TENM2: variants seen among roughly 807,000 people sequenced by gnomAD.
The protein encoded by TENM2 is teneurin transmembrane protein 2.
A neutral mutation model predicts 245.2 loss-of-function variants in TENM2; 52 were observed. The observed-to-expected ratio is 0.21, with a 90% CI of 0.17 to 0.27. TENM2 has a LOEUF of 0.27. TENM2 is among the 10% of genes least tolerant of loss of function. TENM2 has a pLI of 1.00. For missense variants in TENM2, 3,046 were observed against 3,666.8 expected (o/e 0.83, Z 4.37); for synonymous variants, 1,363 against 1,438.9 (o/e 0.95, Z 1.19).
At chr5:167,047,907 T>C in the TENM2 span, among the ~76,000 whole-genome samples, 1 of 152,108 alleles carries the variant, frequency 6.6e-6, no homozygotes, top group Non-Finnish European at 1.5e-5. Flanking sequence ...TTGGGTAACT[T>C]ATCTGTGCTT....
At chr5:167,610,332 G>A (rs998227493) in intron 2 of TENM2, among the ~76,000 whole-genome samples, 9 of 152,056 alleles carry the variant, frequency 5.9e-5, no homozygotes, top group African/African-American at 9.7e-5. Flanking sequence ...TTATGTAGGC[G>A]TGATTGATTA....
At chr5:167,343,738 A>C (rs1171466414) in intron 1 of TENM2, among the ~76,000 whole-genome samples, 1 of 152,180 alleles carries the variant, frequency 6.6e-6, no homozygotes, top group Non-Finnish European at 1.5e-5. Flanking sequence ...ATTTAAGATC[A>C]TTATACATTA....
chr5:167,336,277 A>G (rs1410295376), intron 1 of TENM2, among the ~76,000 whole-genome samples: 1 of 144,490 alleles, frequency 6.9e-6, no homozygotes. Flanking sequence ...GGCTGGCCAC[A>G]TTCTATAGCA....
At chr5:167,754,287 A>G (rs1762145620) in intron 2 of TENM2, among the ~76,000 whole-genome samples, 2 of 152,184 alleles carry the variant, frequency 1.3e-5, no homozygotes, top group South Asian at 4.1e-4. Flanking sequence ...ACAGGAAAGG[A>G]AAAATAATCC....
intron 6 of TENM2, among the ~76,000 whole-genome samples, chr5:168,061,629 T>C (rs1171416032): frequency 3.9e-5 from 6 of 152,170 alleles, no homozygotes; most frequent in Non-Finnish European, 1.5e-5. Context: ...CTGATTTTTG[T>C]TGAAAATGTC....
At chr5:168,108,535 C>G (rs937036549) in intron 9 of TENM2, among the ~76,000 whole-genome samples, 5 of 152,174 alleles carry the variant, frequency 3.3e-5, no homozygotes, top group South Asian at 4.1e-4. Flanking sequence ...TAGCTAGTAT[C>G]CACCTTCACA....
rs73384933 is a variant in TENM2, at chr5:167,683,783, T to C, written c.503-192203T>C. ...ATTGATGGAATCATAATAATGCTAA[T>C]TTTAATAACAATCGATCTATGAATG... On this transcript the variant is annotated intron_variant, in intron 2 of 28. Transcript: ENST00000518659. Among the ~76,000 whole-genome samples, 1,501 of 152,336 alleles carry C rather than the reference T, an allele frequency of 9.9e-3. 39 individuals carry two copies. Among genetic ancestry groups the C allele is most frequent in the African/African-American group, 0.033 (1,384 of 41,568 alleles).
At chr5:167,683,410 A>G (rs1756869415) in intron 2 of TENM2, among the ~76,000 whole-genome samples, 1 of 152,186 alleles carries the variant, frequency 6.6e-6, no homozygotes, top group Non-Finnish European at 1.5e-5. Context: ...TAACCTCTTA[A>G]GAGAAGAATA....
the TENM2 span, among the ~76,000 whole-genome samples, chr5:167,185,564 C>T: frequency 2.0e-5 from 3 of 152,130 alleles, no homozygotes; most frequent in Admixed American, 2.0e-4. Flanking sequence ...TCAAAAGCAT[C>T]TATAACCCAT....
At chr5:167,485,578 G>C (rs912343941) in intron 2 of TENM2, among the ~76,000 whole-genome samples, 3 of 152,112 alleles carry the variant, frequency 2.0e-5, no homozygotes, top group African/African-American at 4.8e-5. Context: ...TGGGGCAGGA[G>C]GGGGGCAGGG....
chr5:167,936,701 TTTTAA>T (rs1338601349), intron 3 of TENM2, among the ~76,000 whole-genome samples: 2 of 152,236 alleles, frequency 1.3e-5, no homozygotes, highest in African/African-American at 4.8e-5. Context: ...GTTCTGTAGA[TTTTAA>T]CACAAATACA....
intron 1 of TENM2, among the ~76,000 whole-genome samples, chr5:167,354,634 A>G (rs1039830233): frequency 2.0e-5 from 3 of 152,204 alleles, no homozygotes; most frequent in Non-Finnish European, 2.9e-5. Flanking sequence ...GAGAGAGTAT[A>G]TAGCCTTTGA....
At chr5:167,236,005 C>T in the TENM2 span, among the ~76,000 whole-genome samples, 1 of 152,130 alleles carries the variant, frequency 6.6e-6, no homozygotes. Flanking sequence ...ATTCACTCTA[C>T]CAACCTTCCT....
intron 2 of TENM2, among the ~76,000 whole-genome samples, chr5:167,577,561 G>A (rs1315236496): frequency 6.6e-6 from 1 of 152,034 alleles, no homozygotes; most frequent in Non-Finnish European, 1.5e-5. Flanking sequence ...GGATGTTCCC[G>A]ATTTTATTTT....
chr5:167,248,281 C>G, the TENM2 span, among the ~76,000 whole-genome samples: 13 of 152,184 alleles, frequency 8.5e-5, no homozygotes, highest in South Asian at 2.7e-3. Context: ...AACATGCTCT[C>G]TAAATATGTT....
the TENM2 span, among the ~76,000 whole-genome samples, chr5:167,049,528 A>C: frequency 1.3e-5 from 2 of 152,214 alleles, no homozygotes; most frequent in African/African-American, 4.8e-5. Context: ...ACATCAAACT[A>C]TATTTATTTT....
chr5:166,990,802 G>A, the TENM2 span, among the ~76,000 whole-genome samples: 74 of 152,270 alleles, frequency 4.9e-4, no homozygotes, highest in African/African-American at 1.8e-3. Flanking sequence ...ACAACACTGT[G>A]ATCATTTTTT....
At chr5:168,090,486 T>A in intron 7 of TENM2, 88 bp from the exon 10 acceptor site, 1 of 1,233,360 alleles carries the variant, frequency 8.1e-7, no homozygotes, top group Non-Finnish European at 1.1e-6. Flanking sequence ...TCTTTCTCCA[T>A]TAACAAATGG....
At chr5:167,960,684 C>G (rs1445465767) in intron 4 of TENM2, among the ~76,000 whole-genome samples, 2 of 152,180 alleles carry the variant, frequency 1.3e-5, no homozygotes, top group African/African-American at 4.8e-5. Context: ...CTTGCTTCAG[C>G]CCCCTTTCCA....
Sources: allele counts gnomAD v4.1 joint callset (sites outside exome capture counted in the v4.1 genomes callset), GRCh38; gene constraint gnomAD v4.1.1; transcripts MANE v1.5; gene names NCBI Gene and HGNC (gene_info 2026-07-23, HGNC 2026-07-21).